The following COL23A1 variants were observed in gnomAD, a reference collection of about 807,000 sequenced individuals.
The protein encoded by COL23A1 is collagen alpha-1(XXIII) chain.
A neutral mutation model predicts 99.3 loss-of-function variants in COL23A1; 97 were observed. That is an observed-to-expected ratio of 0.98 (90% CI 0.83 to 1.16). The LOEUF is 1.16. Among genes scored for constraint, COL23A1 ranks in the 50% most tolerant of loss-of-function variants. COL23A1 has a pLI of 0.00. For synonymous variants in COL23A1, 320 were observed against 308.2 expected, an observed-to-expected ratio of 1.04 and a Z score of -0.40; for missense variants, 762 against 757.4, an observed-to-expected ratio of 1.01 and a Z score of -0.07.
intron 2 of COL23A1, among the ~76,000 whole-genome samples, chr5:178,386,693 C>T (rs146304778): frequency 3.3e-5 from 5 of 152,236 alleles, no homozygotes; most frequent in African/African-American, 9.6e-5. Context: ...GCGTTATCAG[C>T]GCAGAAGGGT....
chr5:178,275,852 A>G (rs1756556780), intron 5 of COL23A1, among the ~76,000 whole-genome samples: 1 of 151,972 alleles, frequency 6.6e-6, no homozygotes, highest in Admixed American at 6.6e-5. Flanking sequence ...CAATGACCCC[A>G]ATTTTCCAGC....
chr5:178,345,521 C>G (rs1200459666), intron 2 of COL23A1, among the ~76,000 whole-genome samples: 3 of 146,322 alleles, frequency 2.1e-5, no homozygotes, highest in African/African-American at 7.7e-5. Context: ...TTGCTGACAC[C>G]ATTTTTTTTT....
In COL23A1 at chr5:178,589,594, C is replaced by A. The variant is rs1209681386; in HGVS notation, c.294+310G>T. Among the ~76,000 whole-genome samples, 1 of 152,202 alleles carries A rather than the reference C, an allele frequency of 6.6e-6. No homozygotes were observed. Among genetic ancestry groups the A allele is most frequent in the Non-Finnish European group, 1.5e-5 (1 of 68,038 alleles). ...GCCGGCGGGAAGCGGCGTGTCCGAG[C>A]GCACACCCCGTGGAGACTGACCCTA... is the stretch of plus-strand genomic sequence containing the variant. On this transcript the variant is annotated intron_variant, in intron 1 of 28. Transcript: ENST00000390654. The surrounding 1 kb of genome is among the most constrained non-coding windows in gnomAD (Gnocchi z 5.4).
intron 27 of COL23A1, among the ~76,000 whole-genome samples, chr5:178,240,224 G>A (rs17052412): frequency 0.17 from 25,385 of 152,204 alleles, 3,950 homozygotes; most frequent in African/African-American, 0.42. Flanking sequence ...ACACCAAGGC[G>A]CAAAACATGT....
chr5:178,270,373 G>T lies in COL23A1; in HGVS notation c.442-10C>A. 1 of 1,600,972 alleles carries T rather than the reference G, an allele frequency of 6.2e-7. No individual in the cohort carries two copies. The highest frequency in any genetic ancestry group is 1.3e-5 in the African/African-American group (1 of 74,786). Reference sequence around the variant, plus strand: ...CCAAACCCAGGGGTCCCTGGAAAACGAGAGAGAGAGAACACAGGTTACACA... The same window carrying T: ...CCAAACCCAGGGGTCCCTGGAAAACTAGAGAGAGAGAACACAGGTTACACA... On this transcript the variant is annotated splice_polypyrimidine_tract_variant and intron_variant, in intron 5 of 28. Coordinates refer to ENST00000390654, the MANE Select transcript of COL23A1 (RefSeq NM_173465.4).
chr5:178,441,336 T>G (rs1376733995), intron 2 of COL23A1, among the ~76,000 whole-genome samples: 1 of 152,184 alleles, frequency 6.6e-6, no homozygotes, highest in Admixed American at 6.5e-5. Flanking sequence ...ACACGTGCAT[T>G]TTTTAGAGTG....
At chr5:178,268,601 G>T in intron 7 of COL23A1, 129 bp downstream of exon 7, 3 of 815,702 alleles carry the variant, frequency 3.7e-6, no homozygotes, top group African/African-American at 1.7e-5. Context: ...CCACTCTACA[G>T]ATGGGGAAAC....
At position 178,257,503 on chromosome 5, in the gene COL23A1, G is replaced by C; in HGVS notation, c.774+20C>G. 6.4e-7 allele frequency: 1 copy of C among 1,565,352 alleles called. No individual in the cohort carries two copies. Among genetic ancestry groups the C allele is most frequent in the Non-Finnish European group, 8.7e-7 (1 of 1,154,570 alleles). On this transcript the variant is annotated intron_variant, in intron 13 of 28. Coordinates refer to ENST00000390654, the MANE Select transcript of COL23A1 (RefSeq NM_173465.4). ...GGGAGGTGGGGGCAGGGGGCCACGA[G>C]AGGAGGGGCAGATACTCACCTTGGG...
intron 18 of COL23A1, among the ~76,000 whole-genome samples, chr5:178,249,716 A>ACACACACT: frequency 2.1e-3 from 191 of 92,806 alleles, no homozygotes; most frequent in African/African-American, 7.7e-3. Flanking sequence ...ACACACACAC[A>ACACACACT]CTCTCTCTCT....
chr5:178,401,637 G>T (rs949325207), intron 2 of COL23A1, among the ~76,000 whole-genome samples: 1 of 152,168 alleles, frequency 6.6e-6, no homozygotes, highest in Non-Finnish European at 1.5e-5. Context: ...ACAGGTTTTT[G>T]TGTGAACATA....
chr5:178,490,740 G>A (rs962428833), intron 2 of COL23A1, among the ~76,000 whole-genome samples: 7 of 152,070 alleles, frequency 4.6e-5, no homozygotes, highest in African/African-American at 1.7e-4. Context: ...CTGTGCCACC[G>A]TACTCCAGCC....
In COL23A1 at chr5:178,437,974, T is replaced by G. The variant is rs527256172; in HGVS notation, c.361+122708A>C. Reference sequence around the variant, plus strand: ...AGAGGCCCCTGACCACCACAGTGATTAAACTTGAGGTTTAGGCAGGGCTGC... The same window carrying G: ...AGAGGCCCCTGACCACCACAGTGATGAAACTTGAGGTTTAGGCAGGGCTGC... On this transcript the variant is annotated intron_variant, in intron 2 of 28. Transcript: ENST00000390654. Among the ~76,000 whole-genome samples the G allele has an allele frequency of 2.6e-5, 4 of 152,344 alleles. No individual in the cohort carries two copies. In the South Asian group the frequency reaches 6.2e-4, roughly 24 times the overall value.
At chr5:178,441,722 C>T (rs10066210) in intron 2 of COL23A1, among the ~76,000 whole-genome samples, 4,259 of 152,078 alleles carry the variant, frequency 0.028, 183 homozygotes, top group African/African-American at 0.093. Flanking sequence ...GGTGACGACG[C>T]GGGGTGATGA....
intron 2 of COL23A1, among the ~76,000 whole-genome samples, chr5:178,338,434 G>C (rs1298380952): frequency 6.6e-6 from 1 of 152,244 alleles, no homozygotes; most frequent in African/African-American, 2.4e-5. Flanking sequence ...TTCCCGCAAA[G>C]AGCATGGTAC....
chr5:178,402,391 A>G (rs1032519126), intron 2 of COL23A1, among the ~76,000 whole-genome samples: 3 of 152,180 alleles, frequency 2.0e-5, no homozygotes, highest in African/African-American at 7.2e-5. Flanking sequence ...GACAGAGAGT[A>G]GACTGGTGGC....
chr5:178,296,352 T>G (rs923775453), intron 3 of COL23A1, among the ~76,000 whole-genome samples: 4 of 152,152 alleles, frequency 2.6e-5, no homozygotes, highest in African/African-American at 4.8e-5. Flanking sequence ...GCATTTCATG[T>G]AACCCCTGCT....
At chr5:178,530,349 C>A (rs964349010) in intron 2 of COL23A1, among the ~76,000 whole-genome samples, 1 of 152,104 alleles carries the variant, frequency 6.6e-6, no homozygotes, top group Non-Finnish European at 1.5e-5. Context: ...GTAGTCCCAG[C>A]TACCCAGGAG....
chr5:178,576,829 C>G (rs938155785), intron 1 of COL23A1, among the ~76,000 whole-genome samples: 21 of 151,940 alleles, frequency 1.4e-4, no homozygotes, highest in African/African-American at 4.8e-4. Flanking sequence ...CAGCGCGGGC[C>G]TCTCGGGCAG....
intron 2 of COL23A1, among the ~76,000 whole-genome samples, chr5:178,370,677 G>A (rs577534759): frequency 3.3e-5 from 5 of 151,976 alleles, no homozygotes; most frequent in Middle Eastern, 3.2e-3. Flanking sequence ...TGGGTAACAC[G>A]GTGAGACCCT....
Sources: allele counts gnomAD v4.1 joint callset (sites outside exome capture counted in the v4.1 genomes callset), GRCh38; gene constraint gnomAD v4.1.1; non-coding constraint Gnocchi (gnomAD v3.1); transcripts MANE v1.5; gene names NCBI Gene and HGNC (gene_info 2026-07-23, HGNC 2026-07-21).